Variants in PVT1 observed in about 807,000 individuals in gnomAD.
PVT1 encodes the protein CXCR4/PVT1 fusion.
intron 4 of PVT1, among the ~76,000 whole-genome samples, chr8:128,021,290 C>CTTTTTTTGTTT (rs1817431368): frequency 1.2e-5 from 1 of 81,140 alleles, no homozygotes; most frequent in African/African-American, 4.8e-5. Flanking sequence ...AGGACTTGTG[C>CTTTTTTTGTTT]TTTTTTTTTT....
At position 128,044,011 on chromosome 8, in the gene PVT1, A is replaced by ATTTTT. The variant is rs66807418; in HGVS notation, n.913-26146_913-26145insTTTTT. Among the ~76,000 whole-genome samples, 369 of 97,834 alleles carry ATTTTT rather than the reference A, an allele frequency of 3.8e-3. 3 individuals are homozygous for ATTTTT. The highest frequency in any genetic ancestry group is 9.8e-3 in the African/African-American group (290 of 29,610). 64.2% of individuals were successfully genotyped at this position (97,834 alleles called of 152,430 possible). ...CCGGTTAATTTTTTTATTATTATTT[A>ATTTTT]TTTATTTTTTTTTTTTTTTGTAGAG... On this transcript the variant is annotated intron_variant and non_coding_transcript_variant, in intron 4 of 10. Coordinates refer to ENST00000651587, the Ensembl canonical transcript of PVT1.
intron 4 of PVT1, among the ~76,000 whole-genome samples, chr8:128,040,141 G>C (rs1206974593): frequency 6.6e-6 from 1 of 152,198 alleles, no homozygotes; most frequent in African/African-American, 2.4e-5. Context: ...CCAGGCCATG[G>C]TACTCAGACA....
chr8:127,831,297 TA>T (rs562685587), intron 2 of PVT1, among the ~76,000 whole-genome samples: 127 of 140,530 alleles, frequency 9.0e-4, no homozygotes, highest in Admixed American at 1.1e-3. Context: ...TACAAAAAAT[TA>T]AAAAAAAAAA....
At chr8:128,097,047 G>A (rs1037527138) in intron 6 of PVT1, among the ~76,000 whole-genome samples, 3 of 152,168 alleles carry the variant, frequency 2.0e-5, no homozygotes, top group African/African-American at 7.2e-5. Context: ...GTTACCTTTA[G>A]TCTAGATCAG....
At chr8:128,021,705 A>T (rs1024220827) in intron 4 of PVT1, among the ~76,000 whole-genome samples, 2 of 152,232 alleles carry the variant, frequency 1.3e-5, no homozygotes, top group African/African-American at 4.8e-5. Flanking sequence ...GGAGACATCC[A>T]TCTTAAAATA....
At chr8:128,023,448 G>C (rs890644458) in intron 4 of PVT1, among the ~76,000 whole-genome samples, 1 of 152,150 alleles carries the variant, frequency 6.6e-6, no homozygotes, top group African/African-American at 2.4e-5. Flanking sequence ...AGCTCGTTGT[G>C]CACCATTGTT....
At chr8:127,914,571 C>T (rs992026005) in intron 3 of PVT1, among the ~76,000 whole-genome samples, 11 of 152,068 alleles carry the variant, frequency 7.2e-5, no homozygotes, top group South Asian at 2.1e-4. Flanking sequence ...AATGTCTGTC[C>T]GCGGAAGAAT....
intron 4 of PVT1, among the ~76,000 whole-genome samples, chr8:128,014,093 GC>G (rs1817344525): frequency 6.6e-6 from 1 of 152,166 alleles, no homozygotes; most frequent in South Asian, 2.1e-4. Flanking sequence ...ACATGTATGG[GC>G]CTGAGATAAA....
intron 2 of PVT1, among the ~76,000 whole-genome samples, chr8:127,835,412 CAG>C (rs1814898743): frequency 6.8e-6 from 1 of 146,884 alleles, no homozygotes; most frequent in Non-Finnish European, 1.5e-5. Context: ...CATATGGACA[CAG>C]GGAGGGGAAC....
chr8:128,090,550 CAG>C lies in PVT1; in HGVS notation n.1115-5963_1115-5962del, dbSNP rs554030982. 8.2e-3 allele frequency among the ~76,000 whole-genome samples: 1,244 copies of C among 152,180 alleles called. 9 individuals are homozygous for C. The highest frequency in any genetic ancestry group is 0.013 in the Non-Finnish European group (899 of 68,020). On this transcript the variant is annotated intron_variant and non_coding_transcript_variant, in intron 5 of 10. Transcript: ENST00000651587. Reference sequence around the variant, plus strand: ...GAATCCTCTTTGGGAGTTCACCAAACAGAGAGTGCAGCCCAGGAGGATGGGGG... The same window carrying C: ...GAATCCTCTTTGGGAGTTCACCAAACAGAGTGCAGCCCAGGAGGATGGGGG...
chr8:127,967,392 TCTC>T (rs1816715237), intron 3 of PVT1, among the ~76,000 whole-genome samples: 1 of 152,184 alleles, frequency 6.6e-6, no homozygotes, highest in Non-Finnish European at 1.5e-5. Context: ...TTTGCCCAAG[TCTC>T]CTCCTGTGTG....
chr8:128,060,643 G>A (rs919411948), intron 4 of PVT1, among the ~76,000 whole-genome samples: 1 of 152,176 alleles, frequency 6.6e-6, no homozygotes, highest in African/African-American at 2.4e-5. Context: ...AGGTGGCATG[G>A]GGTCCTTAGG....
intron 2 of PVT1, among the ~76,000 whole-genome samples, chr8:127,836,145 C>A (rs1025132444): frequency 6.6e-6 from 1 of 152,136 alleles, no homozygotes; most frequent in African/African-American, 2.4e-5. Context: ...CACTGTGGCA[C>A]CAGTCATAGT....
intron 3 of PVT1, among the ~76,000 whole-genome samples, chr8:127,896,421 G>A (rs1054554872): frequency 2.6e-5 from 4 of 152,084 alleles, no homozygotes; most frequent in Admixed American, 6.5e-5. Flanking sequence ...GTCACTCAGC[G>A]TCCTGCCTCA....
intron 3 of PVT1, among the ~76,000 whole-genome samples, chr8:127,967,111 G>A (rs2129956564): frequency 6.6e-6 from 1 of 152,318 alleles, no homozygotes; most frequent in Non-Finnish European, 1.5e-5. Flanking sequence ...GTTTCTGGAG[G>A]CTCATGGGAC....
At chr8:127,949,752 C>T (rs997098874) in intron 3 of PVT1, among the ~76,000 whole-genome samples, 1 of 152,170 alleles carries the variant, frequency 6.6e-6, no homozygotes, top group Non-Finnish European at 1.5e-5. Context: ...TTTTACGAAG[C>T]GGCTGTCATG....
At chr8:127,806,714 C>T (rs1814533079) in intron 2 of PVT1, among the ~76,000 whole-genome samples, 1 of 152,196 alleles carries the variant, frequency 6.6e-6, no homozygotes, top group African/African-American at 2.4e-5. Context: ...TCTCCACCCC[C>T]AGCTTTAACC....
intron 3 of PVT1, among the ~76,000 whole-genome samples, chr8:127,969,765 G>A (rs937873331): frequency 6.6e-6 from 1 of 152,124 alleles, no homozygotes; most frequent in African/African-American, 2.4e-5. Flanking sequence ...AGATAAAGAT[G>A]GGAAAGTGAG....
intron 3 of PVT1, among the ~76,000 whole-genome samples, chr8:127,913,915 G>A (rs1179579323): frequency 6.6e-6 from 1 of 152,124 alleles, no homozygotes; most frequent in African/African-American, 2.4e-5. Context: ...ACACATGGCT[G>A]TCTGTTCTCT....
Sources: gnomAD v4.1 joint callset for allele counts (sites outside exome capture counted in the v4.1 genomes callset) on GRCh38, gnomAD v4.1.1 for gene constraint, MANE v1.5 for transcripts, NCBI Gene and HGNC (gene_info 2026-07-23, HGNC 2026-07-21) for gene names.